GDI2: variants seen among roughly 807,000 people sequenced by gnomAD.
The protein encoded by GDI2 is rab GDP dissociation inhibitor beta.
In GDI2, 22 loss-of-function variants were observed where a neutral mutation model predicts 54.2. The ratio of observed to expected loss-of-function variants is 0.41; its 90% confidence interval spans 0.29 to 0.58. GDI2 has a LOEUF of 0.58. GDI2 is among the 20% of genes least tolerant of loss of function. GDI2 has a pLI of 0.35. For missense variants in GDI2, 422 were observed against 546.0 expected, an observed-to-expected ratio of 0.77 and a Z score of 2.26; for synonymous variants, 177 against 182.1, an observed-to-expected ratio of 0.97 and a Z score of 0.23.
At chr10:5,778,994 GA>G (rs1252018147) in intron 6 of GDI2, among the ~76,000 whole-genome samples, 1 of 152,138 alleles carries the variant, frequency 6.6e-6, no homozygotes, top group Non-Finnish European at 1.5e-5. Context: ...GGAAGAAACA[GA>G]AAACTGTGAT....
At chr10:5,783,314 A>C (rs900233412) in intron 6 of GDI2, among the ~76,000 whole-genome samples, 3 of 105,258 alleles carry the variant, frequency 2.9e-5, no homozygotes, top group African/African-American at 9.4e-5. Flanking sequence ...ATATTTTTCC[A>C]CCCCTTTACC....
intron 4 of GDI2, among the ~76,000 whole-genome samples, chr10:5,794,346 A>G (rs1841100601): frequency 6.6e-6 from 1 of 151,170 alleles, no homozygotes; most frequent in Non-Finnish European, 1.5e-5. Flanking sequence ...TGGGTAATAT[A>G]GCGTAGGGTA....
intron 6 of GDI2, among the ~76,000 whole-genome samples, chr10:5,782,100 C>G (rs1840770831): frequency 6.6e-6 from 1 of 152,080 alleles, no homozygotes; most frequent in South Asian, 2.1e-4. Context: ...AAAAGACTTG[C>G]CACCATCATA....
chr10:5,767,608 G>GA (rs58346790), intron 8 of GDI2, among the ~76,000 whole-genome samples: 52 of 151,790 alleles, frequency 3.4e-4, no homozygotes, highest in East Asian at 9.7e-4. Context: ...TTATATGGGG[G>GA]AAAAAAAATC....
chr10:5,808,629 T>C (rs1193716230), intron 1 of GDI2, among the ~76,000 whole-genome samples: 3 of 150,216 alleles, frequency 2.0e-5, no homozygotes, highest in South Asian at 2.1e-4. Context: ...TGAGCTGAGA[T>C]TGAACCACCG....
intron 5 of GDI2, among the ~76,000 whole-genome samples, chr10:5,785,599 CT>C (rs1389475026): frequency 6.6e-6 from 1 of 152,170 alleles, no homozygotes; most frequent in Non-Finnish European, 1.5e-5. Context: ...TGGTCTTGAA[CT>C]CCTGACCTCA....
At chr10:5,771,186 A>T (rs1840482113) in intron 7 of GDI2, among the ~76,000 whole-genome samples, 1 of 152,152 alleles carries the variant, frequency 6.6e-6, no homozygotes, top group African/African-American at 2.4e-5. Flanking sequence ...AGCTTTGCCA[A>T]TTATCCCTAC....
intron 2 of GDI2, among the ~76,000 whole-genome samples, chr10:5,798,385 C>G (rs564340768): frequency 6.6e-6 from 1 of 151,814 alleles, no homozygotes; most frequent in Admixed American, 6.6e-5. Context: ...ACCAGGAGAT[C>G]GAGACCAGCC....
Position 5,768,589 on chromosome 10 carries a change from A to C in GDI2, c.820-205T>G. ...AAGCTGGAGGACTCACTCACTAAAA[A>C]GCTACAGTGATCAATTCAGTGTGGT... On this transcript the variant is annotated intron_variant, in intron 7 of 10. Coordinates refer to ENST00000380191, the MANE Select transcript of GDI2 (RefSeq NM_001494.4). This position sits in a 1 kb window ranked among gnomAD's most constrained non-coding sequence, Gnocchi z 4.4. 1 of 559,902 alleles carries C rather than the reference A, an allele frequency of 1.8e-6. No individual in the cohort carries two copies. The highest frequency in any genetic ancestry group is 3.2e-6 in the Non-Finnish European group (1 of 314,160). 34.7% of individuals were successfully genotyped at this position (559,902 alleles called of 1,614,324 possible). A position where few individuals can be genotyped will look rare whatever the true frequency, so the allele number is the denominator to read the frequency against.
At position 5,774,884 on chromosome 10, in the gene GDI2, C is replaced by CCCAGGGGAAGGGGAAGGGCAAGGG. The variant is rs1487373484; in HGVS notation, c.720-967_720-944dup. On this transcript the variant is annotated intron_variant, in intron 6 of 10. Transcript: ENST00000380191. The surrounding 1 kb of genome is among the most constrained non-coding windows in gnomAD (Gnocchi z 4.8). ...AATCTGCCATTTCTCTGGATTCACA[C>CCCAGGGGAAGGGGAAGGGCAAGGG]CCAGGGGAAGGGGAAGGGCAAGGGC... 6.9e-6 allele frequency among the ~76,000 whole-genome samples: 1 copy of CCCAGGGGAAGGGGAAGGGCAAGGG among 144,066 alleles called. No homozygotes were observed. The highest frequency in any genetic ancestry group is 6.9e-5 in the Admixed American group (1 of 14,554). The allele number at this position is 144,066 out of a possible 152,430, so 94.5% of individuals were successfully genotyped here. A position where few individuals can be genotyped will look rare whatever the true frequency, so the allele number is the denominator to read the frequency against.
intron 4 of GDI2, among the ~76,000 whole-genome samples, chr10:5,788,579 T>C (rs1840929233): frequency 6.6e-6 from 1 of 152,166 alleles, no homozygotes; most frequent in Non-Finnish European, 1.5e-5. Context: ...ACACTAACGA[T>C]AGCTAATGAG....
At position 5,770,783 on chromosome 10, in the gene GDI2, T is replaced by G. The variant is rs181202326; in HGVS notation, c.820-2399A>C. Among the ~76,000 whole-genome samples the G allele has an allele frequency of 2.0e-5, 3 of 152,070 alleles. No individual in the cohort carries two copies. The South Asian group carries it at 6.2e-4, about 32-fold the overall frequency. The stretch of plus-strand genomic sequence containing the variant: ...GAGTTTGAGACCAGCCTGGCCAACC[T>G]GGTGAAACCCCATCTCTACTAAAAA... On this transcript the variant is annotated intron_variant, in intron 7 of 10. Coordinates refer to ENST00000380191, the MANE Select transcript of GDI2 (RefSeq NM_001494.4).
At chr10:5,771,463 A>G (rs182902631) in intron 7 of GDI2, among the ~76,000 whole-genome samples, 96 of 152,358 alleles carry the variant, frequency 6.3e-4, no homozygotes, top group Non-Finnish European at 1.2e-3. Context: ...TACTGTTAGC[A>G]TATTTTATGT....
chr10:5,788,769 T>TC (rs1564394199), intron 4 of GDI2, among the ~76,000 whole-genome samples: 1 of 151,714 alleles, frequency 6.6e-6, no homozygotes, highest in Non-Finnish European at 1.5e-5. Context: ...TTTGCATGTT[T>TC]TTTTTTTTTT....
intron 6 of GDI2, among the ~76,000 whole-genome samples, chr10:5,784,445 G>A (rs185283569): frequency 6.6e-6 from 1 of 152,232 alleles, no homozygotes; most frequent in East Asian, 1.9e-4. Context: ...TTTTGTCTTG[G>A]TTTAGATCCA....
At position 5,776,617 on chromosome 10, in the gene GDI2, A is replaced by G. The variant is rs545097424; in HGVS notation, c.720-2676T>C. On this transcript the variant is annotated intron_variant, in intron 6 of 10. Coordinates refer to ENST00000380191, the MANE Select transcript of GDI2 (RefSeq NM_001494.4). This position sits in a 1 kb window ranked among gnomAD's most constrained non-coding sequence, Gnocchi z 5.3. ...AACAACTCAAGGCTGAAAAGGGCAG[A>G]CTTCTAAATGGTCCAATAGAAAAGG... 8.9e-5 allele frequency: 134 copies of G among 1,506,898 alleles called. 1 individual carries two copies. The highest frequency in any genetic ancestry group is 7.1e-4 in the Middle Eastern group (3 of 4,228). The allele number at this position is 1,506,898 out of a possible 1,614,324, so 93.3% of individuals were successfully genotyped here.
intron 1 of GDI2, among the ~76,000 whole-genome samples, chr10:5,806,374 A>G (rs916249875): frequency 3.9e-5 from 6 of 152,094 alleles, no homozygotes; most frequent in East Asian, 1.9e-4. Context: ...CAGGTAACAC[A>G]GTGAGACCCC....
intron 1 of GDI2, among the ~76,000 whole-genome samples, chr10:5,804,484 C>A (rs1841333712): frequency 6.6e-6 from 1 of 152,132 alleles, no homozygotes; most frequent in South Asian, 2.1e-4. Context: ...CACCACCATC[C>A]CCCAGCACTC....
intron 4 of GDI2, among the ~76,000 whole-genome samples, chr10:5,787,215 T>C (rs1015669020): frequency 6.6e-6 from 1 of 152,112 alleles, no homozygotes; most frequent in Non-Finnish European, 1.5e-5. Context: ...ATTAAAACCA[T>C]GAGGCTGGTC....
Sources: allele counts gnomAD v4.1 joint callset (sites outside exome capture counted in the v4.1 genomes callset), GRCh38; gene constraint gnomAD v4.1.1; non-coding constraint Gnocchi (gnomAD v3.1); transcripts MANE v1.5; gene names NCBI Gene and HGNC (gene_info 2026-07-23, HGNC 2026-07-21).